KDM1A: variants seen among roughly 807,000 people sequenced by gnomAD.
The protein encoded by KDM1A is lysine-specific histone demethylase 1A.
KDM1A carries 49 observed loss-of-function variants against 109.4 expected under a neutral mutation model. The ratio of observed to expected loss-of-function variants is 0.45; its 90% CI spans 0.36 to 0.57. KDM1A has a LOEUF of 0.57. Ranked by LOEUF, KDM1A falls within the 20% of genes least tolerant of loss-of-function variation. The probability of loss-of-function intolerance (pLI) is 0.00; values close to 1 mark genes in which losing one functional copy is unlikely to be tolerated. For missense variants in KDM1A, 668 were observed against 1,116.6 expected, an observed-to-expected ratio of 0.60 and a Z score of 5.73; for synonymous variants, 380 against 415.4, an observed-to-expected ratio of 0.91 and a Z score of 1.04.
chr1:23,042,435 ATAT>A (rs1404004021), intron 2 of KDM1A, among the ~76,000 whole-genome samples: 13 of 58,552 alleles, frequency 2.2e-4, no homozygotes, highest in African/African-American at 9.3e-4. Context: ...TCTATGAAAT[ATAT>A]TATTTTTTTT....
Position 23,079,057 on chromosome 1 carries a change from T to C in KDM1A, c.1935T>C (p.Val645=). Residue 645 remains valine, a synonymous_variant, in exon 17 of 21, where the codon GTT becomes GTC. Transcript: ENST00000400181. The surrounding 1 kb of genome is among the most constrained non-coding windows in gnomAD (Gnocchi z 5.6). ...CCTTTATTTATAAATGCGACGCAGT[T>C]CTCTGTACCCTTCCCCTGGGTGTGC... ...SQTFIYKCDA[V]LCTLPLGVLK... The C allele has an allele frequency of 1.9e-6, 3 of 1,614,100 alleles. No individual in the cohort carries two copies. Among genetic ancestry groups the C allele is most frequent in the African/African-American group, 2.7e-5 (2 of 75,026 alleles).
At chr1:23,066,266 T>G (rs890085577) in intron 10 of KDM1A, among the ~76,000 whole-genome samples, 195 bp downstream of exon 10, 2 of 152,180 alleles carry the variant, frequency 1.3e-5, no homozygotes, top group Non-Finnish European at 2.9e-5. Context: ...TGTAAAACAT[T>G]AGGTTTTTTG....
intron 15 of KDM1A, among the ~76,000 whole-genome samples, chr1:23,074,493 G>A (rs1183051572): frequency 6.6e-6 from 1 of 152,140 alleles, no homozygotes; most frequent in Non-Finnish European, 1.5e-5. Context: ...CCAGGCTGGA[G>A]TGGTGTGATC....
intron 4 of KDM1A, among the ~76,000 whole-genome samples, chr1:23,052,212 G>A (rs920360898): frequency 6.6e-6 from 1 of 152,172 alleles, no homozygotes; most frequent in African/African-American, 2.4e-5. Flanking sequence ...GAAACAGAAT[G>A]TAAATCAACC....
chr1:23,048,173 C>G (rs182289797), intron 3 of KDM1A, among the ~76,000 whole-genome samples: 1 of 151,586 alleles, frequency 6.6e-6, no homozygotes, highest in Non-Finnish European at 1.5e-5. Context: ...TTTAGAGATA[C>G]TTGGTTGAAA....
intron 15 of KDM1A, among the ~76,000 whole-genome samples, chr1:23,076,343 C>CG (rs1553132162): frequency 1.3e-5 from 2 of 150,820 alleles, no homozygotes; most frequent in Non-Finnish European, 3.0e-5. Flanking sequence ...CAATTCCTGA[C>CG]TTTTTTTTTA....
intron 14 of KDM1A, 109 bp downstream of exon 14, chr1:23,072,306 G>A: frequency 1.3e-6 from 1 of 785,216 alleles, no homozygotes; most frequent in South Asian, 1.6e-5. Flanking sequence ...TGTTCAGTGA[G>A]TGGTTTAAAT....
chr1:23,063,231 G>GGTGTGTGTGTGTGTGTGT (rs755287896), intron 9 of KDM1A, among the ~76,000 whole-genome samples: 1 of 29,514 alleles, frequency 3.4e-5, no homozygotes, highest in African/African-American at 8.5e-5. Context: ...GGTGTGTGTG[G>GGTGTGTGTGTGTGTGTGT]GTGTGTGTGT....
intron 9 of KDM1A, among the ~76,000 whole-genome samples, chr1:23,060,750 TGTG>T (rs1408680248): frequency 3.3e-5 from 5 of 152,104 alleles, no homozygotes; most frequent in Non-Finnish European, 1.5e-5. Flanking sequence ...GGTGGGGCCA[TGTG>T]GTGGTGGATG....
At position 23,079,526 on chromosome 1, in the gene KDM1A, G is replaced by T. The variant is rs201836190; in HGVS notation, c.2056-27G>T. On this transcript the variant is annotated intron_variant, in intron 17 of 20. Coordinates refer to ENST00000400181, the MANE Select transcript of KDM1A (RefSeq NM_001009999.3). The surrounding 1 kb of genome is among the most constrained non-coding windows in gnomAD (Gnocchi z 5.6). ...CCAGTATTATCTGGCCCCTGTCACT[G>T]GCTCATGTGCTTCTTTCTTATGGTA... is the stretch of plus-strand genomic sequence containing the variant. The T allele has an allele frequency of 6.4e-7, 1 of 1,568,094 alleles. No individual in the cohort carries two copies. The highest frequency in any genetic ancestry group is 8.8e-7 in the Non-Finnish European group (1 of 1,142,106).
At chr1:23,080,248 T>C (rs901079359) in intron 18 of KDM1A, among the ~76,000 whole-genome samples, 2 of 152,112 alleles carry the variant, frequency 1.3e-5, no homozygotes, top group Admixed American at 6.5e-5. Flanking sequence ...TGCCCAGTGG[T>C]GAATGGTCTT....
intron 3 of KDM1A, 148 bp from the exon 4 acceptor site, chr1:23,050,239 A>T: frequency 1.5e-6 from 1 of 668,856 alleles, no homozygotes; most frequent in South Asian, 3.9e-5. Flanking sequence ...ATAAGTGGCT[A>T]ATATCTAAGG....
At chr1:23,038,359 A>C (rs557079157) in intron 2 of KDM1A, among the ~76,000 whole-genome samples, 1 of 152,174 alleles carries the variant, frequency 6.6e-6, no homozygotes, top group African/African-American at 2.4e-5. Flanking sequence ...GGACTTTCTA[A>C]CATAGTTTTT....
intron 2 of KDM1A, among the ~76,000 whole-genome samples, chr1:23,043,265 T>G (rs1478673693): frequency 2.6e-5 from 4 of 152,200 alleles, no homozygotes; most frequent in African/African-American, 7.2e-5. Flanking sequence ...ATAACCTTCT[T>G]GAACCTAAAG....
chr1:23,074,369 A>G (rs977949122), intron 15 of KDM1A, among the ~76,000 whole-genome samples: 6 of 152,214 alleles, frequency 3.9e-5, no homozygotes, highest in Admixed American at 3.3e-4. Flanking sequence ...TATGTTTTAC[A>G]AATATTTATT....
At chr1:23,041,467 G>C (rs1461797776) in intron 2 of KDM1A, among the ~76,000 whole-genome samples, 2 of 113,654 alleles carry the variant, frequency 1.8e-5, no homozygotes, top group Non-Finnish European at 3.4e-5. Context: ...TTTGGAGACC[G>C]AGTCTTGCTG....
chr1:23,044,212 A>T lies in KDM1A; in HGVS notation c.518-215A>T. 1.2e-5 allele frequency: 6 copies of T among 486,554 alleles called. 1 individual carries two copies. The South Asian group carries it at 1.3e-4, about 10-fold the overall frequency. 30.1% of individuals were successfully genotyped at this position (486,554 alleles called of 1,614,324 possible). On this transcript the variant is annotated intron_variant, in intron 2 of 20. Coordinates refer to ENST00000400181, the MANE Select transcript of KDM1A (RefSeq NM_001009999.3). Reference sequence around the variant, plus strand: ...ATGTACTTTGTTCCACTGCCTTTCAACAAGAATCAACATGTAAAGTTGAAA... The same window carrying T: ...ATGTACTTTGTTCCACTGCCTTTCATCAAGAATCAACATGTAAAGTTGAAA...
At chr1:23,035,612 A>G (rs142130910) in intron 2 of KDM1A, among the ~76,000 whole-genome samples, 1 of 152,326 alleles carries the variant, frequency 6.6e-6, no homozygotes, top group East Asian at 1.9e-4. Flanking sequence ...ATCATACTGT[A>G]GGTTGAAAAT....
chr1:23,044,227 T>C, intron 2 of KDM1A, 200 bp from the exon 3 acceptor site: 1 of 518,080 alleles, frequency 1.9e-6, no homozygotes, highest in East Asian at 3.5e-5. Context: ...AATCAACATG[T>C]AAAGTTGAAA....
Sources: gnomAD v4.1 joint callset for allele counts (sites outside exome capture counted in the v4.1 genomes callset) on GRCh38, gnomAD v4.1.1 for gene constraint, Gnocchi (gnomAD v3.1) non-coding constraint, MANE v1.5 for transcripts, NCBI Gene and HGNC (gene_info 2026-07-23, HGNC 2026-07-21) for gene names.